PAN3: variants seen among roughly 807,000 people sequenced by gnomAD.
PAN3 encodes the protein poly(A) specific ribonuclease subunit PAN3, also known as PAN2-PAN3 deadenylation complex subunit PAN3.
In PAN3, 19 loss-of-function variants were observed where a neutral mutation model predicts 96.2. That is an observed-to-expected ratio of 0.20 (90% CI 0.14 to 0.29). PAN3 has a LOEUF of 0.29. Ranked by LOEUF, PAN3 falls within the 10% of genes least tolerant of loss-of-function variation. The probability of loss-of-function intolerance (pLI) is 1.00; values close to 1 mark genes in which losing one functional copy is unlikely to be tolerated. For synonymous variants in PAN3, 433 were observed against 406.6 expected, an observed-to-expected ratio of 1.06 and a Z score of -0.78; for missense variants, 882 against 1,108.1, an observed-to-expected ratio of 0.80 and a Z score of 2.90.
At position 28,277,306 on chromosome 13, in the gene PAN3, C is replaced by G. The variant is rs1365091725; in HGVS notation, c.2119C>G (p.Arg707Gly). ...TTGCAACTCTTTGGCAGGAATTCAG[C>G]GAGAGAATTTACAGAAAGCCATGGA... ...LACNSLAGIQ[R>G]ENLQKAMELV... Residue 707 changes from arginine to glycine, a missense_variant, in exon 15 of 19, where the codon CGA becomes GGA. Physicochemically the swap from Arg to Gly is moderately radical, Grantham distance 125. Around this residue, in one of 3 missense-constraint regions of PAN3, gnomAD observed 364 missense variants for 513.6 expected, o/e 0.71. Coordinates refer to ENST00000380958, the MANE Select transcript of PAN3 (RefSeq NM_175854.8). 2 of 1,613,144 alleles carry G rather than the reference C, an allele frequency of 1.2e-6. No individual in the cohort carries two copies. The highest frequency in any genetic ancestry group is 1.3e-5 in the African/African-American group (1 of 74,866).
intron 1 of PAN3, among the ~76,000 whole-genome samples, chr13:28,154,716 G>A (rs567784537): frequency 2.6e-5 from 4 of 151,494 alleles, no homozygotes; most frequent in South Asian, 4.2e-4. Flanking sequence ...GGCTGGTCTC[G>A]AACTCCTGAC....
intron 6 of PAN3, among the ~76,000 whole-genome samples, chr13:28,229,448 G>A (rs938874312): frequency 4.5e-4 from 68 of 152,156 alleles, no homozygotes; most frequent in African/African-American, 1.6e-3. Context: ...GATGACTCTT[G>A]TTCAACTATA....
At chr13:28,172,843 G>C (rs1874479659) in intron 1 of PAN3, among the ~76,000 whole-genome samples, 1 of 152,162 alleles carries the variant, frequency 6.6e-6, no homozygotes, top group Admixed American at 6.5e-5. Flanking sequence ...GATCACTTGA[G>C]GGCAGGAGTT....
chr13:28,139,275 C>T (rs1231956045), intron 1 of PAN3, among the ~76,000 whole-genome samples, 188 bp downstream of exon 1: 1 of 137,496 alleles, frequency 7.3e-6, no homozygotes, highest in Non-Finnish European at 1.5e-5. Context: ...CCACTGCCTT[C>T]GGCAAGTCGG....
chr13:28,246,952 G>C (rs1884252464), intron 6 of PAN3, among the ~76,000 whole-genome samples: 1 of 152,120 alleles, frequency 6.6e-6, no homozygotes, highest in Non-Finnish European at 1.5e-5. Context: ...GGGATTGCTG[G>C]ATCATATGGC....
chr13:28,169,231 T>TC (rs1873986990), intron 1 of PAN3, among the ~76,000 whole-genome samples: 1 of 101,122 alleles, frequency 9.9e-6, no homozygotes, highest in Non-Finnish European at 2.0e-5. Context: ...GCTTTTTTTT[T>TC]TTTTTTTTTT....
intron 17 of PAN3, 74 bp downstream of exon 17, chr13:28,281,453 T>G: frequency 2.3e-6 from 3 of 1,281,528 alleles, no homozygotes; most frequent in Non-Finnish European, 3.3e-6. Flanking sequence ...TAAGTATGCC[T>G]GGCTTTATTT....
intron 4 of PAN3, among the ~76,000 whole-genome samples, chr13:28,192,200 G>A (rs1333355484): frequency 1.3e-5 from 2 of 151,956 alleles, no homozygotes; most frequent in Non-Finnish European, 2.9e-5. Context: ...CTCCTGAGTC[G>A]CTGGGATTAC....
intron 4 of PAN3, among the ~76,000 whole-genome samples, chr13:28,189,557 TAAG>T (rs1876954553): frequency 6.6e-6 from 1 of 152,030 alleles, no homozygotes; most frequent in Middle Eastern, 3.4e-3. Flanking sequence ...CTCTCAGTGT[TAAG>T]ATCAAGCTCC....
At chr13:28,175,279 G>A (rs1874821340) in intron 2 of PAN3, among the ~76,000 whole-genome samples, 1 of 152,118 alleles carries the variant, frequency 6.6e-6, no homozygotes, top group Non-Finnish European at 1.5e-5. Flanking sequence ...GGGTCTTGCT[G>A]TGTCACCCAG....
chr13:28,222,252 A>G (rs1456303485), intron 6 of PAN3, among the ~76,000 whole-genome samples: 1 of 152,176 alleles, frequency 6.6e-6, no homozygotes, highest in Admixed American at 6.5e-5. Context: ...GGAGGTAGGT[A>G]TATTCATTGG....
intron 1 of PAN3, among the ~76,000 whole-genome samples, chr13:28,165,756 A>G (rs189576139): frequency 2.6e-5 from 4 of 152,204 alleles, no homozygotes; most frequent in East Asian, 1.9e-4. Flanking sequence ...ATCAAGTCCA[A>G]CCAAGGTGGG....
Position 28,138,612 on chromosome 13 carries a change from C to T in PAN3, c.-46C>T, listed in dbSNP as rs1869109197. 2 of 490,402 alleles carry T rather than the reference C, an allele frequency of 4.1e-6. No individual in the cohort carries two copies. The highest frequency in any genetic ancestry group is 7.4e-5 in the South Asian group (2 of 26,882). 30.4% of individuals were successfully genotyped at this position (490,402 alleles called of 1,614,324 possible). A position where few individuals can be genotyped will look rare whatever the true frequency, so the allele number is the denominator to read the frequency against. On this transcript the variant is annotated 5_prime_UTR_variant, in exon 1 of 19. Transcript: ENST00000380958. ...CCTCCCCCGTCTATGGTGGTGGCGG[C>T]GGCGGCTCCTCGGGCGGCGGCGGAA...
At chr13:28,280,222 C>T (rs1248460642) in intron 15 of PAN3, among the ~76,000 whole-genome samples, 190 bp from the exon 16 acceptor site, 1 of 152,146 alleles carries the variant, frequency 6.6e-6, no homozygotes, top group African/African-American at 2.4e-5. Flanking sequence ...TACTGTTTCT[C>T]CATTGGCTGT....
chr13:28,275,501 C>T (rs191161316), intron 14 of PAN3, among the ~76,000 whole-genome samples: 33 of 152,232 alleles, frequency 2.2e-4, no homozygotes, highest in Admixed American at 2.1e-3. Flanking sequence ...TGCTCAAACA[C>T]GTGATAAATA....
intron 4 of PAN3, among the ~76,000 whole-genome samples, chr13:28,187,178 T>C (rs1222398944): frequency 1.3e-5 from 2 of 151,212 alleles, no homozygotes; most frequent in African/African-American, 4.9e-5. Flanking sequence ...AATACAAAAA[T>C]GAGCTTGACT....
At chr13:28,242,832 T>G (rs893121696) in intron 6 of PAN3, among the ~76,000 whole-genome samples, 1 of 152,230 alleles carries the variant, frequency 6.6e-6, no homozygotes, top group Non-Finnish European at 1.5e-5. Context: ...AGGTTGTCTT[T>G]AATGTCTTTC....
intron 9 of PAN3, among the ~76,000 whole-genome samples, chr13:28,263,956 A>G (rs936077942): frequency 4.6e-5 from 7 of 152,134 alleles, no homozygotes; most frequent in Non-Finnish European, 1.0e-4. Context: ...ACACCGCCCT[A>G]TGTTTCTGAC....
At chr13:28,214,485 C>T in intron 5 of PAN3, 1 of 247,956 alleles carries the variant, frequency 4.0e-6, no homozygotes, top group Admixed American at 5.3e-5. Context: ...CACCAGAACA[C>T]AGGTGTCATG....
Sources: allele counts gnomAD v4.1 joint callset (sites outside exome capture counted in the v4.1 genomes callset), GRCh38; gene constraint gnomAD v4.1.1; regional missense constraint gnomAD v4.1.1; transcripts MANE v1.5; gene names NCBI Gene and HGNC (gene_info 2026-07-23, HGNC 2026-07-21).